Variants in TSPAN14 observed in about 807,000 individuals in gnomAD.
TSPAN14 encodes the protein tetraspanin-14.
TSPAN14 carries 16 observed loss-of-function variants against 36.6 expected under a neutral mutation model. The ratio of observed to expected loss-of-function variants is 0.44; its 90% CI spans 0.30 to 0.66. TSPAN14 has a LOEUF of 0.66. Ranked by LOEUF, TSPAN14 falls within the 30% of genes least tolerant of loss-of-function variation. TSPAN14 has a pLI of 0.12. For synonymous variants in TSPAN14, 139 were observed against 143.8 expected (o/e 0.97, Z 0.24); for missense variants, 231 against 355.1 (o/e 0.65, Z 2.81).
chr10:80,501,387 A>C (rs1848515680), intron 2 of TSPAN14, among the ~76,000 whole-genome samples: 2 of 151,012 alleles, frequency 1.3e-5, no homozygotes, highest in South Asian at 4.2e-4. Context: ...CAGCCTCCCA[A>C]ATTGCTGTGA....
intron 5 of TSPAN14, among the ~76,000 whole-genome samples, chr10:80,510,812 G>T (rs144934692): frequency 1.5e-3 from 226 of 152,186 alleles, no homozygotes; most frequent in African/African-American, 4.9e-3. Flanking sequence ...AGGCGGAACT[G>T]GCAGTGAGCC....
At chr10:80,476,932 C>T (rs975903016) in intron 1 of TSPAN14, among the ~76,000 whole-genome samples, 3 of 152,140 alleles carry the variant, frequency 2.0e-5, no homozygotes, top group Non-Finnish European at 2.9e-5. Flanking sequence ...CAGGGCTGTG[C>T]TTCTCTCTGG....
intron 4 of TSPAN14, among the ~76,000 whole-genome samples, chr10:80,508,481 AGT>A (rs1224170928): frequency 6.6e-6 from 1 of 152,064 alleles, no homozygotes; most frequent in Non-Finnish European, 1.5e-5. Context: ...CAAGCTGCTT[AGT>A]GTCTTATATG....
intron 4 of TSPAN14, among the ~76,000 whole-genome samples, chr10:80,508,260 C>T (rs184137314): frequency 0.021 from 3,195 of 152,012 alleles, 46 homozygotes; most frequent in Middle Eastern, 0.037. Context: ...GGACTACAGG[C>T]GCCCGCTACC....
chr10:80,472,423 G>A (rs569452721), intron 1 of TSPAN14, among the ~76,000 whole-genome samples: 3 of 152,132 alleles, frequency 2.0e-5, no homozygotes, highest in Admixed American at 1.3e-4. Flanking sequence ...GACAATGATC[G>A]CTTGCTTATG....
intron 1 of TSPAN14, among the ~76,000 whole-genome samples, chr10:80,480,683 A>G (rs1847219859): frequency 1.3e-5 from 2 of 152,182 alleles, no homozygotes. Flanking sequence ...CGCAAGAACA[A>G]AAAACCAAAC....
chr10:80,470,933 G>A (rs527501033), intron 1 of TSPAN14, among the ~76,000 whole-genome samples: 180 of 152,288 alleles, frequency 1.2e-3, no homozygotes, highest in African/African-American at 4.1e-3. Flanking sequence ...CTGCCAGGTC[G>A]GGTTGCAGTG....
At chr10:80,478,128 A>G (rs1269645126) in intron 1 of TSPAN14, among the ~76,000 whole-genome samples, 1 of 152,232 alleles carries the variant, frequency 6.6e-6, no homozygotes, top group East Asian at 1.9e-4. Context: ...TTTGAAAGGA[A>G]GTCTATTTAG....
chr10:80,470,785 G>A (rs1223521077), intron 1 of TSPAN14, among the ~76,000 whole-genome samples: 1 of 152,202 alleles, frequency 6.6e-6, no homozygotes, highest in African/African-American at 2.4e-5. Flanking sequence ...CACCCCAATG[G>A]TGTCAGCCCT....
At chr10:80,474,781 C>G (rs1383757524) in intron 1 of TSPAN14, among the ~76,000 whole-genome samples, 1 of 152,104 alleles carries the variant, frequency 6.6e-6, no homozygotes, top group Non-Finnish European at 1.5e-5. Context: ...CTTCCCAAAT[C>G]TCAGTTCACT....
At chr10:80,494,084 A>T (rs778561073) in intron 2 of TSPAN14, among the ~76,000 whole-genome samples, 17 of 152,308 alleles carry the variant, frequency 1.1e-4, no homozygotes, top group South Asian at 4.1e-4. Flanking sequence ...TTCTAAATAG[A>T]CTGTAGGCCT....
At chr10:80,492,667 T>C (rs1408346620) in intron 2 of TSPAN14, among the ~76,000 whole-genome samples, 1 of 151,976 alleles carries the variant, frequency 6.6e-6, no homozygotes, top group Non-Finnish European at 1.5e-5. Context: ...ATACAAAAAA[T>C]TAGCCGGGCG....
At chr10:80,475,273 C>G (rs1846793180) in intron 1 of TSPAN14, among the ~76,000 whole-genome samples, 1 of 152,198 alleles carries the variant, frequency 6.6e-6, no homozygotes, top group African/African-American at 2.4e-5. Flanking sequence ...TTCTGTAAAT[C>G]TAAAAGTTTT....
chr10:80,465,299 C>T (rs1166236072), intron 1 of TSPAN14, among the ~76,000 whole-genome samples: 1 of 151,744 alleles, frequency 6.6e-6, no homozygotes, highest in East Asian at 1.9e-4. Flanking sequence ...TGCTCCCGTT[C>T]CTCACGCGAG....
chr10:80,467,540 C>T (rs1846309410), intron 1 of TSPAN14, among the ~76,000 whole-genome samples: 1 of 152,200 alleles, frequency 6.6e-6, no homozygotes. Context: ...AGCTGTAACC[C>T]TTGGAGTTCT....
At chr10:80,481,921 T>C (rs147731108) in intron 1 of TSPAN14, among the ~76,000 whole-genome samples, 1,690 of 152,118 alleles carry the variant, frequency 0.011, 36 homozygotes, top group African/African-American at 0.038. Flanking sequence ...GCCCGGCTAA[T>C]TGTTTGTATT....
At position 80,509,671 on chromosome 10, in the gene TSPAN14, T is replaced by C. The variant is rs1269037380; in HGVS notation, c.450+200T>C. ...TTGTGGTTGCCTGGTGGGCCAGCCC[T>C]TTCCCATTGGGATTGGGCAGGCAAG... On this transcript the variant is annotated intron_variant, in intron 5 of 8. Coordinates refer to ENST00000429989, the Ensembl canonical transcript of TSPAN14. The surrounding 1 kb of genome is among the most constrained non-coding windows in gnomAD (Gnocchi z 4.7). 2 of 598,976 alleles carry C rather than the reference T, an allele frequency of 3.3e-6. No homozygotes were observed. The highest frequency in any genetic ancestry group is 6.7e-5 in the Admixed American group (2 of 29,896). 37.1% of individuals were successfully genotyped at this position (598,976 alleles called of 1,614,324 possible).
intron 1 of TSPAN14, among the ~76,000 whole-genome samples, chr10:80,455,207 C>A (rs79389802): frequency 6.6e-6 from 1 of 152,052 alleles, no homozygotes; most frequent in Non-Finnish European, 1.5e-5. Flanking sequence ...GAGCACTTGT[C>A]TTGGGGACTT....
intron 1 of TSPAN14, chr10:80,466,636 A>G (rs1046773064): frequency 2.0e-5 from 3 of 152,188 alleles, no homozygotes; most frequent in Admixed American, 6.5e-5. Flanking sequence ...AAGGCATTGA[A>G]ACACCCCCAC....
Sources: allele counts gnomAD v4.1 joint callset (sites outside exome capture counted in the v4.1 genomes callset), GRCh38; gene constraint gnomAD v4.1.1; non-coding constraint Gnocchi (gnomAD v3.1); transcripts MANE v1.5; gene names NCBI Gene and HGNC (gene_info 2026-07-23, HGNC 2026-07-21).